PAPOLG: variants seen among roughly 807,000 people sequenced by gnomAD.
PAPOLG encodes PAP-gamma.
PAPOLG carries 40 observed loss-of-function variants against 99.0 expected under a neutral mutation model. The ratio of observed to expected loss-of-function variants is 0.40; its 90% CI spans 0.31 to 0.53. The LOEUF (loss-of-function observed/expected upper bound fraction) is 0.53, where lower values mean the gene tolerates loss of function less well. Among genes scored for constraint, PAPOLG ranks in the 20% least tolerant of loss-of-function variants. The pLI is 0.41. For synonymous variants in PAPOLG, 310 were observed against 299.3 expected, an observed-to-expected ratio of 1.04 and a Z score of -0.37; for missense variants, 675 against 884.1, an observed-to-expected ratio of 0.76 and a Z score of 3.00.
intron 3 of PAPOLG, among the ~76,000 whole-genome samples, chr2:60,762,430 C>G (rs1038883591): frequency 6.6e-6 from 1 of 151,962 alleles, no homozygotes; most frequent in Non-Finnish European, 1.5e-5. Context: ...GGGATTGGTT[C>G]TGGGACCTCC....
In PAPOLG at chr2:60,768,614, A is replaced by G. The variant is rs1670756359; in HGVS notation, c.328+63A>G. On this transcript the variant is annotated intron_variant, in intron 4 of 21. Transcript: ENST00000238714. ...AATAACAAACTCTTCATAATTAGAA[A>G]ATGTAGGAGAACAAAGTTCCCACTA... 3 of 1,428,802 alleles carry G rather than the reference A, an allele frequency of 2.1e-6. No individual in the cohort carries two copies. The East Asian group carries it at 6.9e-5, about 33-fold the overall frequency. 88.5% of individuals were successfully genotyped at this position (1,428,802 alleles called of 1,614,324 possible). A position where few individuals can be genotyped will look rare whatever the true frequency, so the allele number is the denominator to read the frequency against.
At position 60,800,899 on chromosome 2, in the gene PAPOLG, C is replaced by T. The variant is rs998663105; in HGVS notation, c.*3739C>T. The T allele has an allele frequency of 1.3e-5, 2 of 152,268 alleles. No individual in the cohort carries two copies. The highest frequency in any genetic ancestry group is 4.8e-5 in the African/African-American group (2 of 41,424). The allele number at this position is 152,268 out of a possible 1,614,324, so 9.4% of individuals were successfully genotyped here. On this transcript the variant is annotated 3_prime_UTR_variant, in exon 22 of 22. Transcript: ENST00000238714. ...TCTGAAAATGTGCTGTGGCTCCTAA[C>T]TAGTAAAATGGGCTGGTGAGGGACT...
chr2:60,758,188 A>C (rs954609654), intron 1 of PAPOLG, among the ~76,000 whole-genome samples: 1 of 152,164 alleles, frequency 6.6e-6, no homozygotes, highest in African/African-American at 2.4e-5. Context: ...ACAATACCAA[A>C]ACACTGCTCT....
In PAPOLG at chr2:60,800,819, G is replaced by T. The variant is rs1275326655; in HGVS notation, c.*3659G>T. On this transcript the variant is annotated 3_prime_UTR_variant, in exon 22 of 22. Coordinates refer to ENST00000238714, the MANE Select transcript of PAPOLG (RefSeq NM_022894.4). ...GTTAGGGTTAGGAACCACCAGGATT[G>T]AATAATCCTGGAATATTATATAATT... is the stretch of plus-strand genomic sequence containing the variant. 2 of 152,190 alleles carry T rather than the reference G, an allele frequency of 1.3e-5. No individual in the cohort carries two copies. Among genetic ancestry groups the T allele is most frequent in the Non-Finnish European group, 2.9e-5 (2 of 68,024 alleles). 9.4% of individuals were successfully genotyped at this position (152,190 alleles called of 1,614,324 possible).
At chr2:60,756,688 C>T (rs1327449061) in intron 1 of PAPOLG, among the ~76,000 whole-genome samples, 193 bp downstream of exon 1, 1 of 152,142 alleles carries the variant, frequency 6.6e-6, no homozygotes, top group African/African-American at 2.4e-5. Context: ...CACCCCTGCA[C>T]GGACTCGGGG....
Position 60,797,576 on chromosome 2 carries a change from T to C in PAPOLG, c.*416T>C, listed in dbSNP as rs1671752425. On this transcript the variant is annotated 3_prime_UTR_variant, in exon 22 of 22. Transcript: ENST00000238714. Reference sequence around the variant, plus strand: ...TAATCATTGTATAGAGCTAAAAAAATTGAAAACAAACAAAAAAATTGTCTT... The same window carrying C: ...TAATCATTGTATAGAGCTAAAAAAACTGAAAACAAACAAAAAAATTGTCTT... The C allele has an allele frequency of 6.4e-6, 1 of 155,264 alleles. No homozygotes were observed. Among genetic ancestry groups the C allele is most frequent in the African/African-American group, 2.4e-5 (1 of 41,100 alleles). The allele number at this position is 155,264 out of a possible 1,614,324, so 9.6% of individuals were successfully genotyped here.
intron 8 of PAPOLG, among the ~76,000 whole-genome samples, chr2:60,777,775 G>A (rs1302131583): frequency 6.6e-6 from 1 of 152,126 alleles, no homozygotes; most frequent in African/African-American, 2.4e-5. Flanking sequence ...CAGGAGTAGG[G>A]AGACCTGAGG....
intron 13 of PAPOLG, 116 bp downstream of exon 13, chr2:60,783,325 T>A: frequency 2.4e-5 from 2 of 84,754 alleles, no homozygotes; most frequent in Non-Finnish European, 1.6e-5. Context: ...ATTATATCTC[T>A]TTTTTTTTTT....
chr2:60,760,052 A>T (rs566720594), intron 1 of PAPOLG, 82 bp from the exon 2 acceptor site: 2 of 1,373,276 alleles, frequency 1.5e-6, no homozygotes, highest in Middle Eastern at 1.8e-4. Context: ...CTAAATTAAC[A>T]TGAGTAGATT....
intron 12 of PAPOLG, 46 bp downstream of exon 12, chr2:60,782,816 TA>T: frequency 1.6e-5 from 23 of 1,425,338 alleles, no homozygotes; most frequent in Admixed American, 5.1e-5. Flanking sequence ...TTTTTTTTTT[TA>T]AAGAAGAATG....
chr2:60,776,616 T>G (rs1671029196), intron 8 of PAPOLG, among the ~76,000 whole-genome samples: 3 of 151,886 alleles, frequency 2.0e-5, no homozygotes. Flanking sequence ...TTAGTAGAGA[T>G]AGGGTTTTAC....
chr2:60,800,832 A>T lies in PAPOLG; in HGVS notation c.*3672A>T, dbSNP rs1216919254. 9 of 152,280 alleles carry T rather than the reference A, an allele frequency of 5.9e-5. No individual in the cohort carries two copies. The highest frequency in any genetic ancestry group is 1.2e-4 in the Non-Finnish European group (8 of 68,020). 9.4% of individuals were successfully genotyped at this position (152,280 alleles called of 1,614,324 possible). A position where few individuals can be genotyped will look rare whatever the true frequency, so the allele number is the denominator to read the frequency against. On this transcript the variant is annotated 3_prime_UTR_variant, in exon 22 of 22. Coordinates refer to ENST00000238714, the MANE Select transcript of PAPOLG (RefSeq NM_022894.4). ...ACCACCAGGATTGAATAATCCTGGAATATTATATAATTTTCTACTTTTGAT... is the reference window on the plus strand; with the variant it reads ...ACCACCAGGATTGAATAATCCTGGATTATTATATAATTTTCTACTTTTGAT...
At chr2:60,788,025 G>A (rs770174313) in intron 15 of PAPOLG, among the ~76,000 whole-genome samples, 9 of 151,210 alleles carry the variant, frequency 6.0e-5, no homozygotes, top group Admixed American at 2.0e-4. Context: ...CTGGCCCACA[G>A]AGTGAGACTG....
At chr2:60,772,203 G>A (rs1670874125) in intron 7 of PAPOLG, among the ~76,000 whole-genome samples, 1 of 152,024 alleles carries the variant, frequency 6.6e-6, no homozygotes. Context: ...CAGCCCTTTG[G>A]GAGGCCAAGG....
chr2:60,776,878 TTTG>T (rs1440165388), intron 8 of PAPOLG, among the ~76,000 whole-genome samples: 1 of 152,226 alleles, frequency 6.6e-6, no homozygotes, highest in Non-Finnish European at 1.5e-5. Flanking sequence ...ACATTGATAA[TTTG>T]TTGTTTAGTG....
At position 60,800,143 on chromosome 2, in the gene PAPOLG, T is replaced by G. The variant is rs1266478638; in HGVS notation, c.*2983T>G. On this transcript the variant is annotated 3_prime_UTR_variant, in exon 22 of 22. Transcript: ENST00000238714. ...CAATTCAAGATAGAGGTACATGGCTTAAAACTTTGTAAAACTGGGACAGGA... is the reference window on the plus strand; with the variant it reads ...CAATTCAAGATAGAGGTACATGGCTGAAAACTTTGTAAAACTGGGACAGGA... 6.6e-6 allele frequency: 1 copy of G among 152,286 alleles called. No homozygotes were observed. The highest frequency in any genetic ancestry group is 1.5e-5 in the Non-Finnish European group (1 of 68,016). The allele number at this position is 152,286 out of a possible 1,614,324, so 9.4% of individuals were successfully genotyped here. A position where few individuals can be genotyped will look rare whatever the true frequency, so the allele number is the denominator to read the frequency against.
intron 8 of PAPOLG, among the ~76,000 whole-genome samples, chr2:60,778,928 TAA>T (rs1671106961): frequency 6.6e-6 from 1 of 152,206 alleles, no homozygotes; most frequent in African/African-American, 2.4e-5. Flanking sequence ...GATAGCTATA[TAA>T]AAAACGGTCA....
intron 10 of PAPOLG, among the ~76,000 whole-genome samples, chr2:60,781,318 C>A (rs1045536480): frequency 1.3e-5 from 2 of 151,870 alleles, no homozygotes; most frequent in Admixed American, 1.3e-4. Context: ...GACTGTGCCA[C>A]TGCACTCCAG....
At chr2:60,758,460 T>G (rs1219321867) in intron 1 of PAPOLG, among the ~76,000 whole-genome samples, 2 of 143,280 alleles carry the variant, frequency 1.4e-5, no homozygotes, top group Non-Finnish European at 3.0e-5. Flanking sequence ...GGAGTTTCGC[T>G]CTTGTTGCCC....
Sources: allele counts gnomAD v4.1 joint callset (sites outside exome capture counted in the v4.1 genomes callset), GRCh38; gene constraint gnomAD v4.1.1; transcripts MANE v1.5; gene names NCBI Gene and HGNC (gene_info 2026-07-23, HGNC 2026-07-21).